PHF14: variants seen among roughly 807,000 people sequenced by gnomAD.
The protein encoded by PHF14 is PHD finger protein 14.
Under a neutral mutation model 117.9 loss-of-function variants are expected in PHF14, and 55 were observed. The observed-to-expected ratio is 0.47, with a 90% confidence interval of 0.38 to 0.58. The LOEUF (loss-of-function observed/expected upper bound fraction) is 0.58. Among genes scored for constraint, PHF14 ranks in the 20% least tolerant of loss-of-function variants. PHF14 has a pLI of 0.00. For missense variants in PHF14, 978 were observed against 1,122.2 expected (o/e 0.87, Z 1.84); for synonymous variants, 409 against 368.6 (o/e 1.11, Z -1.26).
chr7:11,138,226 A>G (rs2128350248), intron 17 of PHF14, among the ~76,000 whole-genome samples: 1 of 152,064 alleles, frequency 6.6e-6, no homozygotes, highest in South Asian at 2.1e-4. Flanking sequence ...ATTTTTTAGT[A>G]GAGGCAGGGT....
At chr7:11,061,740 T>C in intron 14 of PHF14, 51 bp from the exon 15 acceptor site, 3 of 1,322,944 alleles carry the variant, frequency 2.3e-6, no homozygotes, top group African/African-American at 1.5e-5. Flanking sequence ...AATTAAACAT[T>C]AGATATACTG....
intron 16 of PHF14, among the ~76,000 whole-genome samples, chr7:11,064,548 A>C (rs1039642756): frequency 6.6e-6 from 1 of 151,984 alleles, no homozygotes. Context: ...TTTTAAACTG[A>C]TGTTTATATC....
intron 17 of PHF14, among the ~76,000 whole-genome samples, chr7:11,120,566 G>A (rs757485974): frequency 1.3e-5 from 2 of 151,928 alleles, no homozygotes; most frequent in Non-Finnish European, 2.9e-5. Context: ...TTTCTTGGTA[G>A]CAATGAAAGC....
chr7:11,127,243 C>A (rs941804945), intron 17 of PHF14, among the ~76,000 whole-genome samples: 2 of 107,744 alleles, frequency 1.9e-5, no homozygotes, highest in Non-Finnish European at 3.7e-5. Flanking sequence ...TCTTGCCCCT[C>A]CTTTTTTTTT....
intron 3 of PHF14, 119 bp downstream of exon 3, chr7:10,983,278 T>C: frequency 9.3e-7 from 1 of 1,073,282 alleles, no homozygotes; most frequent in South Asian, 1.8e-5. Context: ...GGCTGTGGGA[T>C]GAATGAGCAC....
chr7:11,073,817 G>T (rs192753795), intron 16 of PHF14, among the ~76,000 whole-genome samples: 1 of 152,126 alleles, frequency 6.6e-6, no homozygotes, highest in African/African-American at 2.4e-5. Flanking sequence ...TTTCACTCTC[G>T]CATTCTGTGC....
chr7:10,999,042 G>A (rs1399345706), intron 4 of PHF14, among the ~76,000 whole-genome samples: 2 of 152,176 alleles, frequency 1.3e-5, no homozygotes, highest in Admixed American at 6.5e-5. Context: ...CGGCACTAGG[G>A]TTTTTTGCTG....
intron 16 of PHF14, chr7:11,108,322 T>C (rs1170297019): frequency 1.3e-5 from 2 of 151,760 alleles, no homozygotes; most frequent in Non-Finnish European, 3.0e-5. Context: ...ACCAAAACTA[T>C]TGACTTCAAG....
chr7:11,097,272 C>A (rs1786913479), intron 16 of PHF14, among the ~76,000 whole-genome samples: 1 of 152,134 alleles, frequency 6.6e-6, no homozygotes, highest in East Asian at 1.9e-4. Flanking sequence ...AGCCACCGTG[C>A]CCAGCCAGGA....
At chr7:11,042,610 A>C in intron 12 of PHF14, 73 bp from the exon 13 acceptor site, 5 of 1,060,546 alleles carry the variant, frequency 4.7e-6, no homozygotes, top group African/African-American at 1.7e-5. Flanking sequence ...GTAAGTTGAA[A>C]AATATGCTAT....
At chr7:11,104,313 A>G (rs1052574807) in intron 16 of PHF14, 10 of 981,478 alleles carry the variant, frequency 1.0e-5, no homozygotes, top group Non-Finnish European at 1.2e-5. Flanking sequence ...TGCAAAATTC[A>G]TAAGATATAG....
At chr7:11,167,404 C>G (rs1393606372) in intron 17 of PHF14, among the ~76,000 whole-genome samples, 1 of 152,072 alleles carries the variant, frequency 6.6e-6, no homozygotes, top group Non-Finnish European at 1.5e-5. Flanking sequence ...TCTTAATTTA[C>G]GATAGTTAAG....
At chr7:11,099,082 G>A (rs1786988841) in intron 16 of PHF14, among the ~76,000 whole-genome samples, 1 of 152,096 alleles carries the variant, frequency 6.6e-6, no homozygotes, top group Non-Finnish European at 1.5e-5. Context: ...TGGATAATGA[G>A]TGTAGCCCAG....
At chr7:11,017,149 G>A (rs527402997) in intron 5 of PHF14, among the ~76,000 whole-genome samples, 10 of 152,258 alleles carry the variant, frequency 6.6e-5, no homozygotes, top group Admixed American at 5.2e-4. Context: ...GGATTCGTCT[G>A]TTGGTGGAAA....
At chr7:11,005,821 T>C (rs182820910) in intron 4 of PHF14, among the ~76,000 whole-genome samples, 1 of 130,754 alleles carries the variant, frequency 7.6e-6, no homozygotes, top group African/African-American at 3.1e-5. Flanking sequence ...TGAGACGGAG[T>C]CTCGTTCTTT....
At chr7:11,006,595 T>C (rs1236280326) in intron 4 of PHF14, 1 of 608,558 alleles carries the variant, frequency 1.6e-6, no homozygotes, top group Non-Finnish European at 3.1e-6. Flanking sequence ...AGCATGTTGT[T>C]GTCTTCTATC....
intron 17 of PHF14, among the ~76,000 whole-genome samples, chr7:11,133,882 G>A (rs1296178769): frequency 6.6e-6 from 1 of 152,048 alleles, no homozygotes; most frequent in Non-Finnish European, 1.5e-5. Flanking sequence ...AGAAGAGTTT[G>A]TAGGAAATAA....
At chr7:11,014,389 T>C (rs984213606) in intron 5 of PHF14, among the ~76,000 whole-genome samples, 38 of 152,172 alleles carry the variant, frequency 2.5e-4, no homozygotes, top group African/African-American at 9.2e-4. Flanking sequence ...TAAAGGATGC[T>C]CTGGGCCTGA....
At chr7:11,082,003 G>C (rs6968626) in intron 16 of PHF14, among the ~76,000 whole-genome samples, 2 of 151,978 alleles carry the variant, frequency 1.3e-5, no homozygotes, top group Non-Finnish European at 2.9e-5. Context: ...AATAGTGTAC[G>C]TAGAATTCTA....
Sources: allele counts gnomAD v4.1 joint callset (sites outside exome capture counted in the v4.1 genomes callset), GRCh38; gene constraint gnomAD v4.1.1; transcripts MANE v1.5; gene names NCBI Gene and HGNC (gene_info 2026-07-23, HGNC 2026-07-21).